CTNNA2: variants seen among roughly 807,000 people sequenced by gnomAD.
The protein encoded by CTNNA2 is catenin alpha 2.
Under a neutral mutation model 101.0 loss-of-function variants are expected in CTNNA2, and 42 were observed. The ratio of observed to expected loss-of-function variants is 0.42; its 90% CI spans 0.32 to 0.54. The LOEUF is 0.54. Among genes scored for constraint, CTNNA2 ranks in the 20% least tolerant of loss-of-function variants. CTNNA2 has a pLI of 0.14. For synonymous variants in CTNNA2, 450 were observed against 456.4 expected (o/e 0.99, Z 0.18); for missense variants, 871 against 1,223.1 (o/e 0.71, Z 4.29).
intron 2 of CTNNA2, among the ~76,000 whole-genome samples, chr2:79,740,773 T>C (rs1671235028): frequency 6.6e-6 from 1 of 152,042 alleles, no homozygotes; most frequent in South Asian, 2.1e-4. Context: ...AGATACAGCA[T>C]AGAGCACAAC....
At chr2:79,317,937 A>G (rs1676533419) in intron 3 of CTNNA2, among the ~76,000 whole-genome samples, 1 of 152,132 alleles carries the variant, frequency 6.6e-6, no homozygotes, top group African/African-American at 2.4e-5. Flanking sequence ...CTACATATTA[A>G]TGAAAAATTC....
At chr2:80,503,983 C>A (rs1688072301) in intron 9 of CTNNA2, among the ~76,000 whole-genome samples, 1 of 152,110 alleles carries the variant, frequency 6.6e-6, no homozygotes, top group African/African-American at 2.4e-5. Flanking sequence ...CTATTTTTTG[C>A]AGAAATTACT....
chr2:79,382,910 A>T (rs371375310), intron 4 of CTNNA2, among the ~76,000 whole-genome samples: 2 of 152,202 alleles, frequency 1.3e-5, no homozygotes, highest in Admixed American at 6.5e-5. Context: ...CACCACGCCC[A>T]GCCATAAACT....
intron 9 of CTNNA2, among the ~76,000 whole-genome samples, chr2:80,533,422 A>G (rs1027230899): frequency 1.3e-5 from 2 of 152,176 alleles, no homozygotes; most frequent in East Asian, 3.9e-4. Flanking sequence ...CACAGATCCA[A>G]TATTGGTTAG....
rs1033716411 is a variant in CTNNA2 at position 80,148,984 on chromosome 2, A to G, written c.1056+239187A>G. Among the ~76,000 whole-genome samples, 4 of 151,950 alleles carry G rather than the reference A, an allele frequency of 2.6e-5. No homozygotes were observed. In the East Asian group the frequency reaches 5.8e-4, roughly 22 times the overall value. ...CTGGAATTTACCAAATTAAAAAAAC[A>G]AAACTCAGAAAAGCTTCAACCTTCT... On this transcript the variant is annotated intron_variant, in intron 7 of 18. Transcript: ENST00000402739.
chr2:80,301,190 C>T (rs546281701), intron 7 of CTNNA2, among the ~76,000 whole-genome samples: 2 of 152,312 alleles, frequency 1.3e-5, no homozygotes, highest in South Asian at 4.1e-4. Context: ...CCTCATTCCC[C>T]ATAGAAACTA....
intron 2 of CTNNA2, among the ~76,000 whole-genome samples, chr2:79,700,595 G>A (rs188367673): frequency 6.6e-6 from 1 of 152,214 alleles, no homozygotes. Flanking sequence ...AAAAAGAGTA[G>A]CGATTGGGAT....
At chr2:79,406,437 A>G (rs1558659407) in intron 4 of CTNNA2, among the ~76,000 whole-genome samples, 1 of 152,038 alleles carries the variant, frequency 6.6e-6, no homozygotes, top group Non-Finnish European at 1.5e-5. Flanking sequence ...GGCATGAGAG[A>G]AAAGGCTGAG....
chr2:79,967,844 A>G (rs1690184521), intron 7 of CTNNA2, among the ~76,000 whole-genome samples: 1 of 152,234 alleles, frequency 6.6e-6, no homozygotes, highest in African/African-American at 2.4e-5. Flanking sequence ...ATGATTGGAT[A>G]AAAAATTGCG....
chr2:80,388,287 G>A (rs1677199864), intron 7 of CTNNA2, among the ~76,000 whole-genome samples: 1 of 152,152 alleles, frequency 6.6e-6, no homozygotes, highest in African/African-American at 2.4e-5. Flanking sequence ...TCTTTGAGGG[G>A]AATGAGGAGG....
intron 7 of CTNNA2, among the ~76,000 whole-genome samples, chr2:80,359,629 CTG>C (rs1242612762): frequency 8.5e-5 from 13 of 152,248 alleles, no homozygotes; most frequent in Admixed American, 7.2e-4. Flanking sequence ...TGAGACATAA[CTG>C]TAAGTTTCCT....
chr2:79,322,974 A>G lies in CTNNA2; in HGVS notation c.-318+10178A>G, dbSNP rs139826613. 3.3e-4 allele frequency among the ~76,000 whole-genome samples: 50 copies of G among 152,330 alleles called. 1 individual carries two copies. The East Asian group carries it at 8.1e-3, about 25-fold the overall frequency. Reference sequence around the variant, plus strand: ...TATGCCTGGTTATTTCCCTGAAAGTATCTTCTATCTCTCTTAACATCTTTC... The same window carrying G: ...TATGCCTGGTTATTTCCCTGAAAGTGTCTTCTATCTCTCTTAACATCTTTC... On this transcript the variant is annotated intron_variant, in intron 3 of 21. Transcript: ENST00000466387.
At chr2:80,063,153 C>T (rs1249102576) in intron 7 of CTNNA2, among the ~76,000 whole-genome samples, 1 of 152,106 alleles carries the variant, frequency 6.6e-6, no homozygotes, top group African/African-American at 2.4e-5. Flanking sequence ...AAAACAAAGT[C>T]CAGGCATTAT....
At chr2:80,299,184 A>G (rs748054668) in intron 7 of CTNNA2, 1 of 151,812 alleles carries the variant, frequency 6.6e-6, no homozygotes, top group Non-Finnish European at 1.5e-5. Flanking sequence ...TGGGAAGAAT[A>G]AAAAAAAGGT....
chr2:79,727,529 C>T (rs954968292), intron 2 of CTNNA2, among the ~76,000 whole-genome samples: 11 of 151,988 alleles, frequency 7.2e-5, no homozygotes, highest in African/African-American at 2.4e-4. Context: ...TAGTCTATCT[C>T]AGTGGATACA....
chr2:79,824,715 T>C (rs1012813442), intron 3 of CTNNA2, among the ~76,000 whole-genome samples: 13 of 152,192 alleles, frequency 8.5e-5, no homozygotes, highest in African/African-American at 2.7e-4. Flanking sequence ...CTACATTGTA[T>C]AGCTGCCATG....
intron 5 of CTNNA2, among the ~76,000 whole-genome samples, chr2:79,872,057 G>A (rs555409195): frequency 2.6e-5 from 4 of 151,990 alleles, no homozygotes; most frequent in Non-Finnish European, 4.4e-5. Flanking sequence ...CTGATATTTT[G>A]GTATATTTTC....
At chr2:80,372,617 A>T (rs2149335483) in intron 7 of CTNNA2, among the ~76,000 whole-genome samples, 1 of 152,224 alleles carries the variant, frequency 6.6e-6, no homozygotes, top group Non-Finnish European at 1.5e-5. Flanking sequence ...CAAGTGTTTG[A>T]CACACAGTAG....
chr2:80,323,535 T>A (rs1236660465), intron 7 of CTNNA2, among the ~76,000 whole-genome samples: 1 of 152,180 alleles, frequency 6.6e-6, no homozygotes, highest in Non-Finnish European at 1.5e-5. Flanking sequence ...AAGGTTATGA[T>A]CTCTGCCTCT....
Sources: allele counts gnomAD v4.1 joint callset (sites outside exome capture counted in the v4.1 genomes callset), GRCh38; gene constraint gnomAD v4.1.1; transcripts MANE v1.5; gene names NCBI Gene and HGNC (gene_info 2026-07-23, HGNC 2026-07-21).